CYSTM1: variants seen among roughly 807,000 people sequenced by gnomAD.
The protein encoded by CYSTM1 is cysteine rich transmembrane module containing 1, also known as cysteine-rich transmembrane module-containing protein 1.
Under a neutral mutation model 13.1 loss-of-function variants are expected in CYSTM1, and 4 were observed. The observed-to-expected ratio is 0.31, with a 90% CI of 0.15 to 0.70. The LOEUF (loss-of-function observed/expected upper bound fraction) is 0.70, where lower values mean the gene tolerates loss of function less well. Ranked by LOEUF, CYSTM1 falls within the 30% of genes least tolerant of loss-of-function variation. CYSTM1 has a pLI of 0.72. For synonymous variants in CYSTM1, 36 were observed against 42.7 expected (o/e 0.84, Z 0.62); for missense variants, 96 against 121.6 (o/e 0.79, Z 0.99).
chr5:140,234,063 A>G (rs759022333), intron 2 of CYSTM1, among the ~76,000 whole-genome samples: 1 of 152,122 alleles, frequency 6.6e-6, no homozygotes, highest in East Asian at 1.9e-4. Flanking sequence ...ATGCTTTTCC[A>G]TGTTTTCTTT....
chr5:140,192,666 G>GT (rs1223825126), intron 1 of CYSTM1, among the ~76,000 whole-genome samples: 10 of 152,316 alleles, frequency 6.6e-5, no homozygotes, highest in Admixed American at 5.2e-4. Context: ...GGAAGGTTCG[G>GT]TGGGAGTGTG....
At chr5:140,206,638 G>GTTTGTTTGTTTC (rs1554132670) in intron 2 of CYSTM1, among the ~76,000 whole-genome samples, 2 of 151,332 alleles carry the variant, frequency 1.3e-5, no homozygotes, top group African/African-American at 4.9e-5. Flanking sequence ...TTGTTTGTTT[G>GTTTGTTTGTTTC]TTTCTTTTTT....
At chr5:140,176,661 G>C (rs975672305) in intron 1 of CYSTM1, among the ~76,000 whole-genome samples, 3 of 152,134 alleles carry the variant, frequency 2.0e-5, no homozygotes, top group Admixed American at 2.0e-4. Flanking sequence ...CCAAATGACT[G>C]GTAAGAGATT....
chr5:140,235,365 A>T (rs1437457447), intron 2 of CYSTM1, among the ~76,000 whole-genome samples: 1 of 151,582 alleles, frequency 6.6e-6, no homozygotes, highest in African/African-American at 2.4e-5. Context: ...TACTGTAGTA[A>T]TGTCACCCAT....
chr5:140,205,981 T>C (rs1764293251), intron 2 of CYSTM1, among the ~76,000 whole-genome samples: 1 of 152,126 alleles, frequency 6.6e-6, no homozygotes, highest in Non-Finnish European at 1.5e-5. Flanking sequence ...TTCACTGGAG[T>C]GAAAGCTAGA....
intron 2 of CYSTM1, among the ~76,000 whole-genome samples, chr5:140,205,626 G>A (rs942032493): frequency 3.3e-5 from 5 of 152,152 alleles, no homozygotes; most frequent in Admixed American, 1.3e-4. Context: ...CTTCTTGTCT[G>A]TAGAGCTGGG....
rs767492451 is a variant in CYSTM1 at position 140,243,416 on chromosome 5, A to C, written c.*5A>C. 8 of 1,613,440 alleles carry C rather than the reference A, an allele frequency of 5.0e-6. No individual in the cohort carries two copies. Among genetic ancestry groups the C allele is most frequent in the South Asian group, 2.2e-5 (2 of 91,048 alleles). ...CTCTGGGACATGCTCACCTGACCAG[A>C]CCAGCCCAGCCGTCCTGTCCTGCCA... On this transcript the variant is annotated 3_prime_UTR_variant, in exon 3 of 3. Coordinates refer to ENST00000261811, the MANE Select transcript of CYSTM1 (RefSeq NM_032412.4).
chr5:140,214,448 GGATGT>G (rs1764405261), intron 2 of CYSTM1, among the ~76,000 whole-genome samples: 1 of 152,212 alleles, frequency 6.6e-6, no homozygotes, highest in Admixed American at 6.5e-5. Context: ...CTGGCTGATG[GGATGT>G]GATCTGTGCT....
At chr5:140,176,785 C>A (rs1199111015) in intron 1 of CYSTM1, among the ~76,000 whole-genome samples, 1 of 152,098 alleles carries the variant, frequency 6.6e-6, no homozygotes, top group Non-Finnish European at 1.5e-5. Flanking sequence ...GATCTCTAGA[C>A]CTGGCCTGGT....
intron 1 of CYSTM1, among the ~76,000 whole-genome samples, chr5:140,178,391 A>G (rs907798599): frequency 1.3e-5 from 2 of 148,310 alleles, no homozygotes; most frequent in African/African-American, 5.0e-5. Flanking sequence ...AAAGTTTTTT[A>G]AAAGAGTTTG....
At chr5:140,220,521 G>C (rs1203633258) in intron 2 of CYSTM1, among the ~76,000 whole-genome samples, 1 of 152,128 alleles carries the variant, frequency 6.6e-6, no homozygotes, top group Non-Finnish European at 1.5e-5. Flanking sequence ...GCCCAGTTTG[G>C]CATGTGGCTG....
At chr5:140,182,682 A>G (rs949705379) in intron 1 of CYSTM1, among the ~76,000 whole-genome samples, 1 of 151,152 alleles carries the variant, frequency 6.6e-6, no homozygotes, top group African/African-American at 2.4e-5. Context: ...TTCCTTTCAC[A>G]TATAGAGAAC....
chr5:140,234,702 C>T (rs936618069), intron 2 of CYSTM1, among the ~76,000 whole-genome samples: 4 of 152,144 alleles, frequency 2.6e-5, no homozygotes, highest in African/African-American at 9.7e-5. Flanking sequence ...TACAAGATGG[C>T]CAGTATGTTG....
chr5:140,189,005 G>T (rs1642765297), intron 1 of CYSTM1, among the ~76,000 whole-genome samples: 1 of 152,116 alleles, frequency 6.6e-6, no homozygotes, highest in Non-Finnish European at 1.5e-5. Flanking sequence ...CATTCCTGAA[G>T]GTTCCCTTCT....
intron 2 of CYSTM1, among the ~76,000 whole-genome samples, chr5:140,213,758 C>T (rs1255330803): frequency 5.3e-5 from 8 of 152,162 alleles, no homozygotes; most frequent in Non-Finnish European, 1.2e-4. Context: ...CATTTGTAGC[C>T]TAGGAGCAAT....
intron 1 of CYSTM1, among the ~76,000 whole-genome samples, chr5:140,187,051 G>A (rs762704211): frequency 2.6e-5 from 4 of 151,994 alleles, no homozygotes; most frequent in South Asian, 2.1e-4. Context: ...GCTTGAACCC[G>A]GAAGGCAGAG....
In CYSTM1 at chr5:140,175,281, G is replaced by C. The variant is rs17523262; in HGVS notation, c.-25G>C. The C allele has an allele frequency of 0.084, 12,859 of 152,536 alleles. 688 individuals are homozygous for C. The highest frequency in any genetic ancestry group is 0.14 in the South Asian group (652 of 4,824). The allele number at this position is 152,536 out of a possible 1,614,324, so 9.4% of individuals were successfully genotyped here. Reference sequence around the variant, plus strand: ...CGTTATCCAGTCGGTTCGTGGAGAGGAGAGGTGAGGTGCAGCGGACCTGGC... The same window carrying C: ...CGTTATCCAGTCGGTTCGTGGAGAGCAGAGGTGAGGTGCAGCGGACCTGGC... On this transcript the variant is annotated 5_prime_UTR_variant, in exon 1 of 3. Coordinates refer to ENST00000261811, the MANE Select transcript of CYSTM1 (RefSeq NM_032412.4). The surrounding 1 kb of genome is among the most constrained non-coding windows in gnomAD (Gnocchi z 4.9).
chr5:140,202,996 C>T lies in CYSTM1; in HGVS notation c.187+8344C>T, dbSNP rs577330488. 8.6e-5 allele frequency: 13 copies of T among 152,034 alleles called. 1 individual carries two copies. The highest frequency in any genetic ancestry group is 1.9e-4 in the African/African-American group (8 of 41,436). 9.4% of individuals were successfully genotyped at this position (152,034 alleles called of 1,614,324 possible). On this transcript the variant is annotated intron_variant, in intron 2 of 2. Coordinates refer to ENST00000261811, the MANE Select transcript of CYSTM1 (RefSeq NM_032412.4). Reference sequence around the variant, plus strand: ...CAAATCCAAAAAGAAAAAAAAATCACGTCTGGTATTTCAGCTGACATGATT... The same window carrying T: ...CAAATCCAAAAAGAAAAAAAAATCATGTCTGGTATTTCAGCTGACATGATT...
chr5:140,179,636 C>G (rs1455782151), intron 1 of CYSTM1, among the ~76,000 whole-genome samples: 1 of 148,994 alleles, frequency 6.7e-6, no homozygotes, highest in Non-Finnish European at 1.5e-5. Context: ...TAGTAAAGCT[C>G]AGATTGTTCA....
Sources: gnomAD v4.1 joint callset for allele counts (sites outside exome capture counted in the v4.1 genomes callset) on GRCh38, gnomAD v4.1.1 for gene constraint, Gnocchi (gnomAD v3.1) non-coding constraint, MANE v1.5 for transcripts, NCBI Gene and HGNC (gene_info 2026-07-23, HGNC 2026-07-21) for gene names.